The following ALK variants were observed in gnomAD, a reference collection of about 807,000 sequenced individuals.
The protein encoded by ALK is ALK receptor tyrosine kinase.
ALK carries 74 observed loss-of-function variants against 163.1 expected under a neutral mutation model. The observed-to-expected ratio is 0.45, with a 90% CI of 0.38 to 0.55. ALK has a LOEUF of 0.55. Ranked by LOEUF, ALK falls within the 20% of genes least tolerant of loss-of-function variation. The pLI is 0.00. For missense variants in ALK, 2,063 were observed against 2,105.3 expected, an observed-to-expected ratio of 0.98 and a Z score of 0.39; for synonymous variants, 960 against 843.2, an observed-to-expected ratio of 1.14 and a Z score of -2.40.
chr2:29,515,363 G>A (rs1672633390), intron 4 of ALK, among the ~76,000 whole-genome samples: 1 of 152,138 alleles, frequency 6.6e-6, no homozygotes, highest in Non-Finnish European at 1.5e-5. Context: ...AGCTTCCTGA[G>A]GATAGTGACT....
Position 29,296,755 on chromosome 2 carries a change from G to A in ALK, c.1817+133C>T, listed in dbSNP as rs1047793590. The A allele has an allele frequency of 9.8e-5, 99 of 1,011,922 alleles. 2 individuals carry two copies. The highest frequency in any genetic ancestry group is 6.3e-4 in the Middle Eastern group (3 of 4,758). 62.7% of individuals were successfully genotyped at this position (1,011,922 alleles called of 1,614,324 possible). ...TGTGTGTGTGTGCACGTGCGTGCAC[G>A]CGCACATATCGGTGTGTGGGCACAT... On this transcript the variant is annotated intron_variant, in intron 9 of 28. Transcript: ENST00000389048.
intron 11 of ALK, among the ~76,000 whole-genome samples, chr2:29,259,135 A>T (rs1005233653): frequency 6.6e-6 from 1 of 152,200 alleles, no homozygotes. Context: ...GTCTCTCAGA[A>T]ACACATGTGA....
intron 3 of ALK, among the ~76,000 whole-genome samples, chr2:29,605,072 C>T (rs1675502884): frequency 6.6e-6 from 1 of 152,178 alleles, no homozygotes; most frequent in South Asian, 2.1e-4. Context: ...GAGTGGATTA[C>T]TTCAGTTTCA....
At chr2:29,875,959 C>T (rs1464244182) in intron 1 of ALK, among the ~76,000 whole-genome samples, 8 of 152,154 alleles carry the variant, frequency 5.3e-5, no homozygotes, top group Admixed American at 3.3e-4. Context: ...AATGGGATTG[C>T]TGAGTCAAAT....
chr2:29,662,207 C>T (rs72864482), intron 3 of ALK, among the ~76,000 whole-genome samples: 1,785 of 152,216 alleles, frequency 0.012, 29 homozygotes, highest in Middle Eastern at 0.034. Flanking sequence ...CCACCACGCC[C>T]GGCCTATCAA....
At chr2:29,909,520 A>G (rs868476979) in intron 1 of ALK, among the ~76,000 whole-genome samples, 9 of 91,110 alleles carry the variant, frequency 9.9e-5, no homozygotes, top group African/African-American at 3.1e-4. Flanking sequence ...GAGAGAGAGA[A>G]TGCTCCACAA....
intron 4 of ALK, among the ~76,000 whole-genome samples, chr2:29,484,971 T>C (rs1266540055): frequency 1.3e-5 from 2 of 152,236 alleles, no homozygotes; most frequent in Non-Finnish European, 2.9e-5. Context: ...TTTTTTTCTT[T>C]ACTTTTGATA....
intron 8 of ALK, among the ~76,000 whole-genome samples, chr2:29,306,838 T>C (rs557427746): frequency 6.6e-6 from 1 of 152,358 alleles, no homozygotes; most frequent in Admixed American, 6.5e-5. Flanking sequence ...AACTCTTTTA[T>C]ATGCAGACAG....
chr2:29,285,880 ACCTGTATTC>A (rs559815462), intron 9 of ALK, among the ~76,000 whole-genome samples: 104 of 152,126 alleles, frequency 6.8e-4, no homozygotes, highest in Middle Eastern at 3.4e-3. Flanking sequence ...GCTGTTTATT[ACCTGTATTC>A]CTAAATCCAA....
chr2:29,203,344 T>A (rs1157569167), intron 26 of ALK, among the ~76,000 whole-genome samples: 1 of 152,188 alleles, frequency 6.6e-6, no homozygotes, highest in East Asian at 1.9e-4. Flanking sequence ...ATTGTCTTCT[T>A]ATGTTTCCTG....
intron 3 of ALK, among the ~76,000 whole-genome samples, chr2:29,633,111 G>A (rs983590369): frequency 4.6e-5 from 7 of 152,164 alleles, no homozygotes; most frequent in Non-Finnish European, 7.3e-5. Flanking sequence ...ATCTATGGTT[G>A]TTATGGAAGC....
At chr2:29,742,999 T>C (rs139402243) in intron 1 of ALK, among the ~76,000 whole-genome samples, 6 of 152,276 alleles carry the variant, frequency 3.9e-5, no homozygotes, top group East Asian at 1.9e-4. Context: ...CTCTAGGCAA[T>C]AGACAAGAAA....
At chr2:29,208,233 G>C (rs973465908) in intron 25 of ALK, among the ~76,000 whole-genome samples, 8 of 151,990 alleles carry the variant, frequency 5.3e-5, no homozygotes, top group Non-Finnish European at 4.4e-5. Context: ...CTTCACAGAA[G>C]GGCACTGATG....
At chr2:29,826,590 T>C (rs532138828) in intron 1 of ALK, among the ~76,000 whole-genome samples, 2 of 152,366 alleles carry the variant, frequency 1.3e-5, no homozygotes, top group Admixed American at 6.5e-5. Context: ...CAACTCTTTC[T>C]GTGCTTGAAG....
chr2:29,278,124 G>A (rs1023557276), intron 9 of ALK, among the ~76,000 whole-genome samples: 1 of 152,146 alleles, frequency 6.6e-6, no homozygotes, highest in Non-Finnish European at 1.5e-5. Flanking sequence ...ATTTAAGTTG[G>A]TTTTGAATGC....
chr2:29,682,386 A>G (rs527988441), intron 3 of ALK, among the ~76,000 whole-genome samples: 1 of 152,006 alleles, frequency 6.6e-6, no homozygotes, highest in African/African-American at 2.4e-5. Flanking sequence ...TTTTTTTTAT[A>G]TTCCCAGTGC....
intron 1 of ALK, among the ~76,000 whole-genome samples, chr2:29,779,291 A>G (rs1681268437): frequency 1.3e-5 from 2 of 152,236 alleles, no homozygotes; most frequent in Admixed American, 6.5e-5. Context: ...CTGTGCTCCA[A>G]GAGCCTCTAG....
intron 1 of ALK, among the ~76,000 whole-genome samples, chr2:29,734,144 A>G (rs1191799373): frequency 1.3e-5 from 2 of 152,192 alleles, no homozygotes; most frequent in African/African-American, 4.8e-5. Context: ...CACTGGGCCC[A>G]GGACTCAGCC....
At chr2:29,289,075 T>C (rs1665947298) in intron 9 of ALK, among the ~76,000 whole-genome samples, 1 of 152,136 alleles carries the variant, frequency 6.6e-6, no homozygotes, top group Non-Finnish European at 1.5e-5. Flanking sequence ...TTTAAACTAC[T>C]CTGAGTCACA....
Sources: allele counts gnomAD v4.1 joint callset (sites outside exome capture counted in the v4.1 genomes callset), GRCh38; gene constraint gnomAD v4.1.1; transcripts MANE v1.5; gene names NCBI Gene and HGNC (gene_info 2026-07-23, HGNC 2026-07-21).